Variants in PUS10 observed in about 807,000 individuals in gnomAD.
The protein encoded by PUS10 is tRNA pseudouridine synthase Pus10.
PUS10 carries 59 observed loss-of-function variants against 75.0 expected under a neutral mutation model. That is an observed-to-expected ratio of 0.79 (90% CI 0.64 to 0.98). PUS10 has a LOEUF of 0.98. Among genes scored for constraint, PUS10 ranks in the 50% least tolerant of loss-of-function variants. PUS10 has a pLI of 0.00. For synonymous variants in PUS10, 219 were observed against 211.6 expected, an observed-to-expected ratio of 1.03 and a Z score of -0.30; for missense variants, 650 against 614.4, an observed-to-expected ratio of 1.06 and a Z score of -0.61.
At chr2:60,958,727 T>C (rs1675830256) in intron 11 of PUS10, among the ~76,000 whole-genome samples, 2 of 151,740 alleles carry the variant, frequency 1.3e-5, no homozygotes, top group South Asian at 4.2e-4. Flanking sequence ...CCACAAAAAA[T>C]ACAAAAAAAT....
At chr2:60,960,299 G>A (rs758403773) in intron 11 of PUS10, 93 bp downstream of exon 11, 9 of 954,558 alleles carry the variant, frequency 9.4e-6, no homozygotes, top group African/African-American at 5.3e-5. Flanking sequence ...AGCTGTGATC[G>A]TGCTACTGCA....
At chr2:60,977,959 A>C (rs1394188106) in intron 4 of PUS10, among the ~76,000 whole-genome samples, 1 of 152,232 alleles carries the variant, frequency 6.6e-6, no homozygotes, top group African/African-American at 2.4e-5. Flanking sequence ...CTAAGACAAA[A>C]CGATAATAAA....
intron 2 of PUS10, chr2:61,010,898 G>A: frequency 6.5e-7 from 1 of 1,548,758 alleles, no homozygotes; most frequent in Non-Finnish European, 8.7e-7. Flanking sequence ...TCTGAAAATA[G>A]AGACAATCAT....
intron 14 of PUS10, 61 bp downstream of exon 14, chr2:60,953,872 G>A: frequency 7.9e-7 from 1 of 1,263,340 alleles, no homozygotes; most frequent in Middle Eastern, 2.0e-4. Flanking sequence ...CCCTTATCAA[G>A]ATATGTGACC....
At chr2:61,010,969 G>A (rs2104731425) in intron 2 of PUS10, 1 of 1,474,902 alleles carries the variant, frequency 6.8e-7, no homozygotes, top group East Asian at 2.5e-5. Flanking sequence ...ATATAGTAAT[G>A]ATAATTGAAT....
At chr2:61,016,314 A>C (rs1218996775) in intron 1 of PUS10, among the ~76,000 whole-genome samples, 3 of 152,238 alleles carry the variant, frequency 2.0e-5, no homozygotes, top group Non-Finnish European at 4.4e-5. Context: ...CAAACCTCTC[A>C]ACATCATTTT....
intron 8 of PUS10, among the ~76,000 whole-genome samples, chr2:60,963,708 C>T (rs1676171118): frequency 6.6e-6 from 1 of 151,944 alleles, no homozygotes; most frequent in African/African-American, 2.4e-5. Flanking sequence ...AGGGTTACAA[C>T]TGAAAATTAA....
At chr2:61,013,767 G>T (rs563961090) in intron 1 of PUS10, among the ~76,000 whole-genome samples, 17 of 152,296 alleles carry the variant, frequency 1.1e-4, no homozygotes, top group Non-Finnish European at 1.9e-4. Flanking sequence ...GCTCACATCT[G>T]TAATCCCAGC....
At chr2:61,010,961 A>G (rs941829661) in intron 2 of PUS10, 3 of 1,487,744 alleles carry the variant, frequency 2.0e-6, no homozygotes, top group Non-Finnish European at 2.7e-6. Flanking sequence ...ACCTTGACAT[A>G]TAGTAATGAT....
At chr2:60,980,082 A>T (rs1189723167) in intron 4 of PUS10, among the ~76,000 whole-genome samples, 2 of 152,244 alleles carry the variant, frequency 1.3e-5, no homozygotes, top group African/African-American at 4.8e-5. Context: ...GGGGATCAGA[A>T]AAGACACAAC....
chr2:60,954,248 G>T, intron 12 of PUS10, 90 bp from the exon 13 acceptor site: 2 of 1,215,722 alleles, frequency 1.6e-6, no homozygotes, highest in East Asian at 2.4e-5. Context: ...TGTGAAAAGT[G>T]GGTTGAGCTC....
At chr2:61,000,781 C>T (rs1034346226) in intron 4 of PUS10, among the ~76,000 whole-genome samples, 33 of 152,124 alleles carry the variant, frequency 2.2e-4, no homozygotes, top group Non-Finnish European at 3.7e-4. Context: ...TATTAGAACG[C>T]TAAGCTTGTG....
chr2:60,980,802 G>T (rs1677338760), intron 4 of PUS10, among the ~76,000 whole-genome samples: 1 of 152,178 alleles, frequency 6.6e-6, no homozygotes, highest in Non-Finnish European at 1.5e-5. Context: ...AAGATTTAAA[G>T]AATTATAGAA....
Position 61,016,887 on chromosome 2 carries a change from C to T in PUS10, c.-16+1121G>A, listed in dbSNP as rs137971131. The stretch of plus-strand genomic sequence containing the variant: ...GCGTGGGGCTGGGGGTGTGGATTTA[C>T]GGAGAAAGAGGTGATCACACTTCAC... On this transcript the variant is annotated intron_variant, in intron 1 of 17. Coordinates refer to ENST00000316752, the MANE Select transcript of PUS10 (RefSeq NM_144709.4). 3.7e-3 allele frequency among the ~76,000 whole-genome samples: 562 copies of T among 152,210 alleles called. 6 individuals are homozygous for T. Among genetic ancestry groups the T allele is most frequent in the African/African-American group, 0.013 (528 of 41,542 alleles).
intron 11 of PUS10, among the ~76,000 whole-genome samples, chr2:60,956,177 C>G (rs1231276474): frequency 6.6e-6 from 1 of 151,990 alleles, no homozygotes; most frequent in African/African-American, 2.4e-5. Context: ...GTCTGTGAAC[C>G]ACTAAGTCCC....
chr2:60,988,709 C>G (rs1237910445), intron 4 of PUS10, among the ~76,000 whole-genome samples: 1 of 152,074 alleles, frequency 6.6e-6, no homozygotes, highest in African/African-American at 2.4e-5. Context: ...AATCTCGGCT[C>G]ACTGCAACCT....
At chr2:60,983,798 A>G (rs1377289427) in intron 4 of PUS10, among the ~76,000 whole-genome samples, 6 of 152,158 alleles carry the variant, frequency 3.9e-5, no homozygotes. Context: ...ATAGTAAAAA[A>G]GAAATGACAA....
chr2:60,960,510 A>G lies in PUS10; in HGVS notation c.882T>C (p.Tyr294=). 3.8e-6 allele frequency: 6 copies of G among 1,574,070 alleles called. No individual in the cohort carries two copies. The highest frequency in any genetic ancestry group is 5.1e-6 in the Non-Finnish European group (6 of 1,165,634). ...GTGGTAGATTCCTGGAGTATTTATT[A>G]TATCTCCCTGAGAAAGAAATAATCA... ...AHGAVFVAGR[Y]NKYSRNLPQT... is the part of the protein sequence containing the mutation. The change falls in exon 11 of 18, where the codon TAT becomes TAC. Residue 294 remains tyrosine (Y), a synonymous_variant. Coordinates refer to ENST00000316752, the MANE Select transcript of PUS10 (RefSeq NM_144709.4).
At chr2:61,016,739 A>T (rs187056104) in intron 1 of PUS10, among the ~76,000 whole-genome samples, 1 of 152,326 alleles carries the variant, frequency 6.6e-6, no homozygotes, top group East Asian at 1.9e-4. Context: ...TACAAAAACC[A>T]GTCATCGAAA....
Sources: allele counts gnomAD v4.1 joint callset (sites outside exome capture counted in the v4.1 genomes callset), GRCh38; gene constraint gnomAD v4.1.1; transcripts MANE v1.5; gene names NCBI Gene and HGNC (gene_info 2026-07-23, HGNC 2026-07-21).